Variants in ROBO1 observed in about 807,000 individuals in gnomAD.
The protein encoded by ROBO1 is roundabout guidance receptor 1, also known as roundabout homolog 1.
ROBO1 carries 149 observed loss-of-function variants against 195.9 expected under a neutral mutation model. The observed-to-expected ratio is 0.76, with a 90% CI of 0.67 to 0.87. The LOEUF (loss-of-function observed/expected upper bound fraction) is 0.87, where lower values mean the gene tolerates loss of function less well. Ranked by LOEUF, ROBO1 falls within the 40% of genes least tolerant of loss-of-function variation. The pLI is 0.00. For synonymous variants in ROBO1, 816 were observed against 733.2 expected (o/e 1.11, Z -1.82); for missense variants, 1,933 against 2,068.3 (o/e 0.93, Z 1.27).
intron 4 of ROBO1, among the ~76,000 whole-genome samples, chr3:78,919,527 C>G (rs1159798799): frequency 6.6e-6 from 1 of 151,868 alleles, no homozygotes; most frequent in Non-Finnish European, 1.5e-5. Flanking sequence ...TTTACTGCTT[C>G]CCAGCTATTT....
intron 4 of ROBO1, among the ~76,000 whole-genome samples, chr3:78,932,565 A>T (rs751248388): frequency 6.6e-5 from 10 of 152,160 alleles, no homozygotes; most frequent in Non-Finnish European, 1.2e-4. Flanking sequence ...AGAGAGTCAA[A>T]CTTTTCCATT....
intron 3 of ROBO1, among the ~76,000 whole-genome samples, chr3:78,990,566 T>C (rs892275016): frequency 3.9e-5 from 6 of 152,186 alleles, no homozygotes; most frequent in African/African-American, 1.4e-4. Flanking sequence ...AGTATTGTAC[T>C]TGGCACAGGA....
chr3:78,598,672 G>T lies in ROBO1; in HGVS notation c.*241C>A. The stretch of plus-strand genomic sequence containing the variant: ...AAAGCACTTTGCTTGCTGGAAGTAA[G>T]GTATAATGGTTTGCTCCAACAGCGA... On this transcript the variant is annotated 3_prime_UTR_variant, in exon 31 of 31. Coordinates refer to ENST00000464233, the MANE Select transcript of ROBO1 (RefSeq NM_002941.4). 2.9e-6 allele frequency: 1 copy of T among 347,314 alleles called. No individual in the cohort carries two copies. The highest frequency in any genetic ancestry group is 5.2e-6 in the Non-Finnish European group (1 of 193,182). 21.5% of individuals were successfully genotyped at this position (347,314 alleles called of 1,614,324 possible).
chr3:79,048,003 T>C (rs1433113097), intron 3 of ROBO1, among the ~76,000 whole-genome samples: 2 of 152,182 alleles, frequency 1.3e-5, no homozygotes, highest in Admixed American at 6.6e-5. Flanking sequence ...GTCTTTGGTC[T>C]ATCCTGTAGC....
chr3:79,526,293 C>T (rs1941429353), intron 2 of ROBO1, among the ~76,000 whole-genome samples: 1 of 152,142 alleles, frequency 6.6e-6, no homozygotes, highest in Non-Finnish European at 1.5e-5. Context: ...ATAGATTTTG[C>T]TACTGAGCAA....
intron 2 of ROBO1, among the ~76,000 whole-genome samples, chr3:79,372,613 A>T (rs547301943): frequency 6.6e-6 from 1 of 152,158 alleles, no homozygotes; most frequent in South Asian, 2.1e-4. Context: ...AAAAATACAT[A>T]CACACACAAA....
At chr3:79,493,854 C>T (rs191827871) in intron 2 of ROBO1, among the ~76,000 whole-genome samples, 45 of 152,106 alleles carry the variant, frequency 3.0e-4, no homozygotes, top group Admixed American at 2.6e-3. Flanking sequence ...AGAAACATTC[C>T]AGTGATACTG....
chr3:79,212,310 C>T (rs2081980456), intron 2 of ROBO1, among the ~76,000 whole-genome samples: 1 of 152,176 alleles, frequency 6.6e-6, no homozygotes, highest in Non-Finnish European at 1.5e-5. Context: ...GGCTTATTCT[C>T]AACAACTGAT....
chr3:79,468,749 T>C (rs151008688), intron 2 of ROBO1, among the ~76,000 whole-genome samples: 97 of 152,224 alleles, frequency 6.4e-4, no homozygotes, highest in Non-Finnish European at 1.0e-3. Flanking sequence ...GAACCTGGAA[T>C]TGGATTTGTA....
At chr3:79,331,678 C>T (rs777239500) in intron 2 of ROBO1, among the ~76,000 whole-genome samples, 16 of 151,898 alleles carry the variant, frequency 1.1e-4, no homozygotes, top group South Asian at 4.2e-4. Flanking sequence ...TGTCAAATAA[C>T]GGAGGTAGAT....
At chr3:78,659,640 G>A (rs1707255462) in intron 17 of ROBO1, 46 bp downstream of exon 17, 2 of 1,304,902 alleles carry the variant, frequency 1.5e-6, no homozygotes, top group South Asian at 2.4e-5. Context: ...TGAATGGTGG[G>A]GGCTGCCCAT....
chr3:79,196,024 C>T (rs1242169615), intron 2 of ROBO1, among the ~76,000 whole-genome samples: 1 of 151,326 alleles, frequency 6.6e-6, no homozygotes, highest in African/African-American at 2.4e-5. Flanking sequence ...CTACTTCATG[C>T]CAGGCATTGA....
chr3:78,636,017 A>G lies in ROBO1; in HGVS notation c.3129T>C (p.Leu1043=). The G allele has an allele frequency of 6.2e-6, 10 of 1,613,864 alleles. No individual in the cohort carries two copies. Among genetic ancestry groups the G allele is most frequent in the Non-Finnish European group, 8.5e-6 (10 of 1,179,812 alleles). ...TTTTCATCTCATTGATTTTGTTACT[A>G]AGGTCCACATCACCATAAACAGTTG... is the stretch of plus-strand genomic sequence containing the variant. The part of the protein sequence containing the change: ...PESTVYGDVD[L]SNKINEMKTF... Residue 1043 remains leucine, a synonymous_variant, in exon 23 of 31, where the codon CTT becomes CTC. Coordinates refer to ENST00000464233, the MANE Select transcript of ROBO1 (RefSeq NM_002941.4).
chr3:79,448,233 G>T (rs1229733479), intron 2 of ROBO1, among the ~76,000 whole-genome samples: 2 of 152,124 alleles, frequency 1.3e-5, no homozygotes, highest in African/African-American at 2.4e-5. Flanking sequence ...CAAAATTTGT[G>T]ATTCTATCAT....
At chr3:79,688,040 T>C (rs1325464881) in intron 1 of ROBO1, among the ~76,000 whole-genome samples, 1 of 151,898 alleles carries the variant, frequency 6.6e-6, no homozygotes, top group Admixed American at 6.6e-5. Context: ...TATGCAGCCA[T>C]AAAAAATGAT....
At chr3:79,540,844 C>T (rs900151704) in intron 2 of ROBO1, among the ~76,000 whole-genome samples, 7 of 152,052 alleles carry the variant, frequency 4.6e-5, no homozygotes, top group African/African-American at 1.4e-4. Context: ...GTCATGTCTA[C>T]GTAATATTTT....
chr3:79,531,180 GTTGA>G (rs1158216312), intron 2 of ROBO1, among the ~76,000 whole-genome samples: 2 of 151,982 alleles, frequency 1.3e-5, no homozygotes, highest in African/African-American at 4.8e-5. Context: ...TGAGTGATTT[GTTGA>G]TTAATTACTA....
intron 2 of ROBO1, among the ~76,000 whole-genome samples, chr3:79,196,016 A>G (rs2081626601): frequency 6.6e-6 from 1 of 151,594 alleles, no homozygotes; most frequent in South Asian, 2.1e-4. Context: ...TTGAGCACCT[A>G]CTTCATGCCA....
chr3:79,043,199 T>A (rs767986109), intron 3 of ROBO1, among the ~76,000 whole-genome samples: 2 of 152,086 alleles, frequency 1.3e-5, no homozygotes, highest in Non-Finnish European at 2.9e-5. Context: ...TGGAGGTTTG[T>A]GGATATTTAG....
Sources: allele counts gnomAD v4.1 joint callset (sites outside exome capture counted in the v4.1 genomes callset), GRCh38; gene constraint gnomAD v4.1.1; transcripts MANE v1.5; gene names NCBI Gene and HGNC (gene_info 2026-07-23, HGNC 2026-07-21).